Variants in PIK3C2G observed in about 807,000 individuals in gnomAD.
The protein encoded by PIK3C2G is phosphatidylinositol 3-kinase C2 domain-containing subunit gamma.
In PIK3C2G, 168 loss-of-function variants were observed where a neutral mutation model predicts 181.1. The observed-to-expected ratio is 0.93, with a 90% confidence interval of 0.82 to 1.05. The LOEUF (loss-of-function observed/expected upper bound fraction) is 1.05, where lower values mean the gene tolerates loss of function less well. Among genes scored for constraint, PIK3C2G ranks in the 50% least tolerant of loss-of-function variants. The pLI, the probability that PIK3C2G is intolerant of heterozygous loss-of-function variation, is 0.00. For missense variants in PIK3C2G, 1,869 were observed against 1,732.8 expected, an observed-to-expected ratio of 1.08 and a Z score of -1.40; for synonymous variants, 573 against 592.2, an observed-to-expected ratio of 0.97 and a Z score of 0.47.
intron 24 of PIK3C2G, among the ~76,000 whole-genome samples, chr12:18,532,078 G>A (rs575957060): frequency 1.3e-5 from 2 of 152,242 alleles, no homozygotes; most frequent in South Asian, 4.1e-4. Flanking sequence ...CATTTTGATA[G>A]GTGGGTAGTG....
At chr12:18,361,397 T>G (rs186810295) in intron 11 of PIK3C2G, among the ~76,000 whole-genome samples, 223 of 152,304 alleles carry the variant, frequency 1.5e-3, no homozygotes, top group African/African-American at 4.9e-3. Context: ...AGACTTGATT[T>G]GTTTTGTTCC....
intron 9 of PIK3C2G, among the ~76,000 whole-genome samples, chr12:18,342,401 T>A (rs955581144): frequency 6.6e-6 from 1 of 152,090 alleles, no homozygotes; most frequent in Non-Finnish European, 1.5e-5. Context: ...AATTTTTTTG[T>A]TACGGAAAAA....
At chr12:18,640,344 C>T (rs750237263) in intron 31 of PIK3C2G, 85 bp from the exon 32 acceptor site, 1 of 1,118,868 alleles carries the variant, frequency 8.9e-7, no homozygotes, top group South Asian at 1.6e-5. Context: ...CCTGATCCTG[C>T]CTTTGGTCTG....
intron 18 of PIK3C2G, among the ~76,000 whole-genome samples, chr12:18,457,358 G>A (rs1024717505): frequency 6.6e-6 from 1 of 152,142 alleles, no homozygotes; most frequent in Non-Finnish European, 1.5e-5. Flanking sequence ...TACACATCCA[G>A]TGTACTAATA....
intron 24 of PIK3C2G, among the ~76,000 whole-genome samples, chr12:18,529,768 G>T (rs12099700): frequency 6.6e-6 from 1 of 152,038 alleles, no homozygotes; most frequent in Non-Finnish European, 1.5e-5. Flanking sequence ...CATTTCCACT[G>T]TGAGGGCTGG....
At chr12:18,607,234 T>A (rs1356406379) in intron 30 of PIK3C2G, 1 of 505,224 alleles carries the variant, frequency 2.0e-6, no homozygotes, top group Non-Finnish European at 3.9e-6. Flanking sequence ...TTGAAAGGAA[T>A]AATATGAGAA....
intron 26 of PIK3C2G, among the ~76,000 whole-genome samples, chr12:18,551,970 G>T (rs574698326): frequency 6.3e-4 from 96 of 152,140 alleles, no homozygotes; most frequent in African/African-American, 2.2e-3. Flanking sequence ...GGATTTCGTT[G>T]CCCAGCCGTA....
At chr12:18,653,912 A>G in the PIK3C2G span, among the ~76,000 whole-genome samples, 4 of 152,144 alleles carry the variant, frequency 2.6e-5, no homozygotes, top group Non-Finnish European at 5.9e-5. Context: ...TTCAGAAAGC[A>G]ATTTAAAGGA....
At chr12:18,372,970 A>G (rs1486888193) in intron 13 of PIK3C2G, among the ~76,000 whole-genome samples, 1 of 152,196 alleles carries the variant, frequency 6.6e-6, no homozygotes, top group African/African-American at 2.4e-5. Flanking sequence ...ACATCAAAAA[A>G]CACAACTCAC....
At chr12:18,495,727 A>C in intron 20 of PIK3C2G, among the ~76,000 whole-genome samples, 1 of 152,122 alleles carries the variant, frequency 6.6e-6, no homozygotes, top group East Asian at 1.9e-4. Context: ...TTATCTACTA[A>C]CCAGCTAGCA....
Position 18,647,898 on chromosome 12 carries a change from A to G in PIK3C2G, c.4331A>G (p.Glu1444Gly). ...TAGGTAGTATATGATGAAGTCACAG[A>G]GCTCCAAGGACATGTCTTAATGCTT... is the stretch of plus-strand genomic sequence containing the variant. ...NEIVVYDEVT[E>G]LQGHVLMLIV... Residue 1444 changes from glutamate to glycine, a missense_variant, in exon 33 of 33, where the codon GAG becomes GGG. Coordinates refer to ENST00000538779, the MANE Select transcript of PIK3C2G (RefSeq NM_001288772.2). 1 of 1,568,198 alleles carries G rather than the reference A, an allele frequency of 6.4e-7. No individual in the cohort carries two copies. The highest frequency in any genetic ancestry group is 2.3e-5 in the East Asian group (1 of 43,304).
chr12:18,402,732 C>T (rs1944318570), intron 16 of PIK3C2G, among the ~76,000 whole-genome samples: 1 of 152,082 alleles, frequency 6.6e-6, no homozygotes, highest in Admixed American at 6.6e-5. Context: ...GCTGGATGAA[C>T]TTCAATATCC....
At chr12:18,701,498 C>CA in the PIK3C2G span, 1 of 1,614,044 alleles carries the variant, frequency 6.2e-7, no homozygotes, top group Non-Finnish European at 8.5e-7. Flanking sequence ...AACACCACCT[C>CA]ACCTTCTTTT....
intron 18 of PIK3C2G, among the ~76,000 whole-genome samples, chr12:18,434,053 G>A (rs1482553897): frequency 6.6e-6 from 1 of 152,120 alleles, no homozygotes; most frequent in Non-Finnish European, 1.5e-5. Flanking sequence ...ATTTCTCTAA[G>A]TTCTGGAGGC....
At chr12:18,312,570 G>A (rs1172097675) in intron 5 of PIK3C2G, among the ~76,000 whole-genome samples, 1 of 152,056 alleles carries the variant, frequency 6.6e-6, no homozygotes, top group African/African-American at 2.4e-5. Flanking sequence ...AAACCTTTGG[G>A]AAGGAGGAAG....
At chr12:18,257,819 AAGAGAAAG>A (rs1425608145), upstream of PIK3C2G, among the ~76,000 whole-genome samples, 3 of 145,816 alleles carry the variant, frequency 2.1e-5, no homozygotes, top group Non-Finnish European at 3.0e-5. Flanking sequence ...AAGAAGGAGA[AAGAGAAAG>A]AAAGAGAAAG....
chr12:18,552,565 T>G (rs780864527), intron 26 of PIK3C2G, among the ~76,000 whole-genome samples: 1 of 152,122 alleles, frequency 6.6e-6, no homozygotes, highest in Non-Finnish European at 1.5e-5. Context: ...AGTCCAGCTT[T>G]TCCTAAATAA....
At chr12:18,483,995 A>G (rs1939800315) in intron 18 of PIK3C2G, among the ~76,000 whole-genome samples, 1 of 152,164 alleles carries the variant, frequency 6.6e-6, no homozygotes, top group African/African-American at 2.4e-5. Flanking sequence ...TTCTCCAGGA[A>G]GAAAGGAGAG....
intron 1 of PIK3C2G, among the ~76,000 whole-genome samples, chr12:18,250,674 CTG>C (rs1384138676): frequency 6.6e-6 from 1 of 151,990 alleles, no homozygotes; most frequent in African/African-American, 2.4e-5. Flanking sequence ...TTTCCTATGT[CTG>C]TGACCTAATT....
Sources: gnomAD v4.1 joint callset for allele counts (sites outside exome capture counted in the v4.1 genomes callset) on GRCh38, gnomAD v4.1.1 for gene constraint, MANE v1.5 for transcripts, NCBI Gene and HGNC (gene_info 2026-07-23, HGNC 2026-07-21) for gene names.